The following AKAP6 variants were observed in gnomAD, a reference collection of about 807,000 sequenced individuals.
AKAP6 encodes A-kinase anchoring protein 6, also known as A-kinase anchor protein 6.
In AKAP6, 58 loss-of-function variants were observed where a neutral mutation model predicts 188.5. That is an observed-to-expected ratio of 0.31 (90% CI 0.25 to 0.38). The LOEUF (loss-of-function observed/expected upper bound fraction) is 0.38, where lower values mean the gene tolerates loss of function less well. Ranked by LOEUF, AKAP6 falls within the 10% of genes least tolerant of loss-of-function variation. The pLI is 1.00. For synonymous variants in AKAP6, 989 were observed against 998.6 expected, an observed-to-expected ratio of 0.99 and a Z score of 0.18; for missense variants, 2,710 against 2,740.0, an observed-to-expected ratio of 0.99 and a Z score of 0.24.
At chr14:32,600,545 T>C in intron 6 of AKAP6, 84 bp from the exon 7 acceptor site, 1 of 1,344,424 alleles carries the variant, frequency 7.4e-7, no homozygotes, top group Non-Finnish European at 9.9e-7. Flanking sequence ...TTGTTTAAAA[T>C]AGCCATCTAA....
intron 1 of AKAP6, among the ~76,000 whole-genome samples, chr14:32,420,198 G>A (rs1166650447): frequency 6.6e-6 from 1 of 152,032 alleles, no homozygotes; most frequent in Non-Finnish European, 1.5e-5. Flanking sequence ...TCATCTTTTA[G>A]CTGATACTTT....
chr14:32,437,158 C>G (rs983432218), intron 2 of AKAP6, among the ~76,000 whole-genome samples: 5 of 152,134 alleles, frequency 3.3e-5, no homozygotes, highest in African/African-American at 1.2e-4. Flanking sequence ...CGGAGAAGCT[C>G]TCTTTCCCCA....
At chr14:32,729,522 C>T (rs1321400019) in intron 9 of AKAP6, among the ~76,000 whole-genome samples, 2 of 151,882 alleles carry the variant, frequency 1.3e-5, no homozygotes, top group East Asian at 1.9e-4. Context: ...TTTTTAACTC[C>T]TTTTTTTAAA....
intron 2 of AKAP6, among the ~76,000 whole-genome samples, chr14:32,509,426 T>C (rs970884522): frequency 2.0e-5 from 3 of 152,300 alleles, no homozygotes; most frequent in Non-Finnish European, 2.9e-5. Context: ...TGTTTGGGGC[T>C]CTTAAGGATA....
intron 5 of AKAP6, among the ~76,000 whole-genome samples, chr14:32,593,781 G>A (rs563006591): frequency 1.4e-4 from 21 of 152,244 alleles, no homozygotes; most frequent in African/African-American, 4.6e-4. Flanking sequence ...ACACACTTGA[G>A]GCAAAAGGAA....
At chr14:32,780,983 A>G (rs1454976585) in intron 12 of AKAP6, among the ~76,000 whole-genome samples, 2 of 152,170 alleles carry the variant, frequency 1.3e-5, no homozygotes, top group Non-Finnish European at 2.9e-5. Flanking sequence ...AATCTGTGGG[A>G]TGCCACCAAA....
chr14:32,335,842 CTTT>C (rs375076849), intron 1 of AKAP6, among the ~76,000 whole-genome samples: 27,837 of 91,900 alleles, frequency 0.3, 2,860 homozygotes, highest in East Asian at 0.41. Flanking sequence ...TCCTTTTCTC[CTTT>C]TTTTTTTTTT....
At chr14:32,692,584 G>A (rs1890228226) in intron 8 of AKAP6, among the ~76,000 whole-genome samples, 1 of 152,152 alleles carries the variant, frequency 6.6e-6, no homozygotes, top group South Asian at 2.1e-4. Context: ...GGTTGTATTG[G>A]TATTGGTCTT....
At chr14:32,442,699 G>A (rs1351161970) in intron 2 of AKAP6, 1 of 152,046 alleles carries the variant, frequency 6.6e-6, no homozygotes, top group South Asian at 2.1e-4. Context: ...ACGGATATGA[G>A]GGTGGGGGGC....
chr14:32,727,170 A>G (rs972140784), intron 9 of AKAP6, among the ~76,000 whole-genome samples: 12 of 152,196 alleles, frequency 7.9e-5, no homozygotes, highest in African/African-American at 2.4e-4. Context: ...AATTTTACCT[A>G]TAGGAGACTT....
At chr14:32,427,472 C>G (rs755888035) in intron 1 of AKAP6, among the ~76,000 whole-genome samples, 6 of 152,162 alleles carry the variant, frequency 3.9e-5, no homozygotes, top group Non-Finnish European at 8.8e-5. Context: ...TAAAGTTTCC[C>G]AGCTCTTGAC....
At chr14:32,471,230 C>G (rs552225121) in intron 2 of AKAP6, among the ~76,000 whole-genome samples, 1 of 152,016 alleles carries the variant, frequency 6.6e-6, no homozygotes, top group African/African-American at 2.4e-5. Context: ...TAATAAACAC[C>G]AAGATTGTCT....
rs1054401413 is a variant in AKAP6 at position 32,817,836 on chromosome 14, G to A, written c.3589-3566G>A. 2.6e-5 allele frequency among the ~76,000 whole-genome samples: 4 copies of A among 152,124 alleles called. No homozygotes were observed. The East Asian group carries it at 5.8e-4, about 22-fold the overall frequency. On this transcript the variant is annotated intron_variant, in intron 12 of 13. Coordinates refer to ENST00000280979, the MANE Select transcript of AKAP6 (RefSeq NM_004274.5). ...GATTAGCTTGAGCATTATTGGTTGTGTTGGGCTATCATCAAAGAGAGCATT... is the reference window on the plus strand; with the variant it reads ...GATTAGCTTGAGCATTATTGGTTGTATTGGGCTATCATCAAAGAGAGCATT...
intron 1 of AKAP6, among the ~76,000 whole-genome samples, chr14:32,336,337 A>C (rs1430239265): frequency 6.6e-6 from 1 of 152,098 alleles, no homozygotes; most frequent in Non-Finnish European, 1.5e-5. Context: ...GGAATACAAG[A>C]CCTTGTACCC....
chr14:32,608,735 G>A (rs967462312), intron 7 of AKAP6, among the ~76,000 whole-genome samples: 1 of 152,022 alleles, frequency 6.6e-6, no homozygotes, highest in African/African-American at 2.4e-5. Context: ...AAAGATGCTT[G>A]GTATTGTTTA....
At chr14:32,470,346 C>T (rs1386474785) in intron 2 of AKAP6, among the ~76,000 whole-genome samples, 3 of 152,168 alleles carry the variant, frequency 2.0e-5, no homozygotes, top group Admixed American at 2.0e-4. Context: ...CTACCCATCC[C>T]TGCCAGAAGA....
intron 1 of AKAP6, among the ~76,000 whole-genome samples, chr14:32,364,549 T>G (rs1211175378): frequency 6.6e-6 from 1 of 152,176 alleles, no homozygotes; most frequent in Non-Finnish European, 1.5e-5. Context: ...AATTATAATT[T>G]TTTTGATCTT....
In AKAP6 at chr14:32,696,115, G is replaced by C; in HGVS notation, c.3000+5G>C. ...CAGCAGCAGCATCTTTACAAGGTTA[G>C]AGCTACCCTTCCTGCCTTTACCTTG... On this transcript the variant is annotated splice_donor_5th_base_variant and intron_variant, in intron 9 of 13. Coordinates refer to ENST00000280979, the MANE Select transcript of AKAP6 (RefSeq NM_004274.5). 1 of 1,597,164 alleles carries C rather than the reference G, an allele frequency of 6.3e-7. No homozygotes were observed. The highest frequency in any genetic ancestry group is 1.4e-5 in the African/African-American group (1 of 73,848).
chr14:32,494,920 T>C lies in AKAP6; in HGVS notation c.325-40634T>C, dbSNP rs552191161. The stretch of plus-strand genomic sequence containing the variant: ...TTGAGGAAGCACTGCACACAGATTG[T>C]AAGCTTTACATGTGAGCTTTCTATT... On this transcript the variant is annotated intron_variant, in intron 2 of 13. Coordinates refer to ENST00000280979, the MANE Select transcript of AKAP6 (RefSeq NM_004274.5). Among the ~76,000 whole-genome samples the C allele has an allele frequency of 7.9e-5, 12 of 152,296 alleles. No homozygotes were observed. The East Asian group carries it at 2.3e-3, about 29-fold the overall frequency.
Sources: gnomAD v4.1 joint callset for allele counts (sites outside exome capture counted in the v4.1 genomes callset) on GRCh38, gnomAD v4.1.1 for gene constraint, MANE v1.5 for transcripts, NCBI Gene and HGNC (gene_info 2026-07-23, HGNC 2026-07-21) for gene names.